Variants in HAPLN3 observed in about 807,000 individuals in gnomAD.
The protein encoded by HAPLN3 is extracellular link domain containing, 1.
HAPLN3 carries 28 observed loss-of-function variants against 28.1 expected under a neutral mutation model. The ratio of observed to expected loss-of-function variants is 1.00; its 90% CI spans 0.74 to 1.37. The LOEUF (loss-of-function observed/expected upper bound fraction) is 1.37, where lower values mean the gene tolerates loss of function less well. Among genes scored for constraint, HAPLN3 ranks in the 40% most tolerant of loss-of-function variants. The pLI is 0.00. For missense variants in HAPLN3, 513 were observed against 504.6 expected, an observed-to-expected ratio of 1.02 and a Z score of -0.16; for synonymous variants, 211 against 213.1, an observed-to-expected ratio of 0.99 and a Z score of 0.09.
In HAPLN3 at chr15:88,879,964, G is replaced by C; in HGVS notation, c.494-695C>G. 1 of 1,003,098 alleles carries C rather than the reference G, an allele frequency of 1.0e-6. No homozygotes were observed. Among genetic ancestry groups the C allele is most frequent in the Non-Finnish European group, 1.2e-6 (1 of 840,444 alleles). 62.1% of individuals were successfully genotyped at this position (1,003,098 alleles called of 1,614,324 possible). ...TACCAAGTCAATGAAACCTTAGGGA[G>C]TGGAGGTGACCCTAGGGGTCTGGGA... On this transcript the variant is annotated intron_variant, in intron 3 of 4. Transcript: ENST00000359595. This position sits in a 1 kb window ranked among gnomAD's most constrained non-coding sequence, Gnocchi z 5.0.
At position 88,880,547 on chromosome 15, in the gene HAPLN3, C is replaced by T. The variant is rs1446135517; in HGVS notation, c.493+810G>A. On this transcript the variant is annotated intron_variant, in intron 3 of 4. Transcript: ENST00000359595. The surrounding 1 kb of genome is among the most constrained non-coding windows in gnomAD (Gnocchi z 6.0). ...CGGGCTGGGGCTAAAGTCAGGTCAC[C>T]TTCCTCTATCCCCGAACTGCCTCCC... The T allele has an allele frequency of 7.8e-7, 1 of 1,288,328 alleles. No homozygotes were observed. 79.8% of individuals were successfully genotyped at this position (1,288,328 alleles called of 1,614,324 possible). A position where few individuals can be genotyped will look rare whatever the true frequency, so the allele number is the denominator to read the frequency against.
rs200158268 is a variant in HAPLN3 at position 88,881,423 on chromosome 15, G to A, written c.427C>T (p.Arg143Cys). 8.7e-5 allele frequency: 140 copies of A among 1,613,928 alleles called. No homozygotes were observed. Among genetic ancestry groups the A allele is most frequent in the Non-Finnish European group, 1.1e-4 (131 of 1,180,030 alleles). The change falls in exon 3 of 5, where the codon CGT becomes TGT. Residue 143 changes from arginine (R) to cysteine (C), a missense_variant. Coordinates refer to ENST00000359595, the MANE Select transcript of HAPLN3 (RefSeq NM_178232.4). The surrounding 1 kb of genome is among the most constrained non-coding windows in gnomAD (Gnocchi z 6.0). Reference sequence around the variant, plus strand: ...CCGTCAATGACCTCACAGCGGTAACGCCCATAGTCCTCCAGCCGCAGATCC... The same window carrying A: ...CCGTCAATGACCTCACAGCGGTAACACCCATAGTCCTCCAGCCGCAGATCC... The part of the protein sequence containing the change: ...IQDLRLEDYG[R>C]YRCEVIDGLE...
At chr15:88,884,972 C>T (rs1293080696) in intron 2 of HAPLN3, among the ~76,000 whole-genome samples, 1 of 152,228 alleles carries the variant, frequency 6.6e-6, no homozygotes, top group Admixed American at 6.5e-5. Context: ...GATTTCTGCA[C>T]AGTGAAACTA....
Position 88,879,303 on chromosome 15 carries a change from G to C in HAPLN3, c.494-34C>G, listed in dbSNP as rs756862992. ...GAAGGAAAGAGGAGCTTAGGGGGTGGCCAGGGGCCCAGCTGGCTGGACACC... is the reference window on the plus strand; with the variant it reads ...GAAGGAAAGAGGAGCTTAGGGGGTGCCCAGGGGCCCAGCTGGCTGGACACC... On this transcript the variant is annotated intron_variant, in intron 3 of 4. Coordinates refer to ENST00000359595, the MANE Select transcript of HAPLN3 (RefSeq NM_178232.4). This position sits in a 1 kb window ranked among gnomAD's most constrained non-coding sequence, Gnocchi z 5.0. The C allele has an allele frequency of 2.5e-6, 4 of 1,602,812 alleles. No individual in the cohort carries two copies. The highest frequency in any genetic ancestry group is 1.7e-6 in the Non-Finnish European group (2 of 1,177,458).
Position 88,880,286 on chromosome 15 carries a change from C to T in HAPLN3, c.494-1017G>A, listed in dbSNP as rs1897662434. On this transcript the variant is annotated intron_variant, in intron 3 of 4. Transcript: ENST00000359595. The surrounding 1 kb of genome is among the most constrained non-coding windows in gnomAD (Gnocchi z 6.0). ...CAGACCAATGACTCTTGCAGGTTCT[C>T]CCCAACTCCACTGCCACCCCAACTT... 24 of 1,062,218 alleles carry T rather than the reference C, an allele frequency of 2.3e-5. No individual in the cohort carries two copies. The South Asian group carries it at 6.3e-4, about 28-fold the overall frequency. 65.8% of individuals were successfully genotyped at this position (1,062,218 alleles called of 1,614,324 possible).
Position 88,877,491 on chromosome 15 carries a change from C to G in HAPLN3, c.*479G>C, listed in dbSNP as rs1394794410. 1.3e-5 allele frequency: 2 copies of G among 154,484 alleles called. No individual in the cohort carries two copies. The highest frequency in any genetic ancestry group is 1.3e-4 in the Admixed American group (2 of 15,668). 9.6% of individuals were successfully genotyped at this position (154,484 alleles called of 1,614,324 possible). A position where few individuals can be genotyped will look rare whatever the true frequency, so the allele number is the denominator to read the frequency against. ...GCCTAGAACTGGCTTCCAGCCCTAG[C>G]CCCTCAGTGGGCAGACTGGGGTCAG... On this transcript the variant is annotated 3_prime_UTR_variant, in exon 5 of 5. Transcript: ENST00000359595. This position sits in a 1 kb window ranked among gnomAD's most constrained non-coding sequence, Gnocchi z 5.1.
In HAPLN3 at chr15:88,881,936, T is replaced by A. The variant is rs1290859343; in HGVS notation, c.125-211A>T. ...ACAGTTATTCCCCCACCCCCTTGAA[T>A]CTGTGCTGGCCTTGCCACTTGCTTG... On this transcript the variant is annotated intron_variant, in intron 2 of 4. Coordinates refer to ENST00000359595, the MANE Select transcript of HAPLN3 (RefSeq NM_178232.4). This position sits in a 1 kb window ranked among gnomAD's most constrained non-coding sequence, Gnocchi z 6.0. Among the ~76,000 whole-genome samples, 1 of 152,140 alleles carries A rather than the reference T, an allele frequency of 6.6e-6. No individual in the cohort carries two copies. Among genetic ancestry groups the A allele is most frequent in the African/African-American group, 2.4e-5 (1 of 41,426 alleles).
At chr15:88,892,930 G>T (rs1296315307) in intron 1 of HAPLN3, 2 of 1,531,532 alleles carry the variant, frequency 1.3e-6, no homozygotes, top group Non-Finnish European at 1.7e-6. Context: ...CACCACAGAG[G>T]TGCCACCAGC....
rs200941021 is a variant in HAPLN3 at position 88,881,688 on chromosome 15, G to C, written c.162C>G (p.Pro54=). The stretch of plus-strand genomic sequence containing the variant: ...CTTGGTAGGTGAACAGGGTCTCCTC[G>C]GGTGTCTCCACCACCAGCTTCACTC... ...LNGVKLVVET[P]EETLFTYQGA... is the part of the protein sequence containing the mutation. Residue 54 remains proline, a synonymous_variant, in exon 3 of 5, where the codon CCC becomes CCG. Coordinates refer to ENST00000359595, the MANE Select transcript of HAPLN3 (RefSeq NM_178232.4). This position sits in a 1 kb window ranked among gnomAD's most constrained non-coding sequence, Gnocchi z 6.0. The C allele has an allele frequency of 1.2e-6, 2 of 1,613,420 alleles. No individual in the cohort carries two copies. The highest frequency in any genetic ancestry group is 1.7e-6 in the Non-Finnish European group (2 of 1,179,832).
At chr15:88,894,712 A>C (rs1204641604) in intron 1 of HAPLN3, among the ~76,000 whole-genome samples, 1 of 152,206 alleles carries the variant, frequency 6.6e-6, no homozygotes, top group Non-Finnish European at 1.5e-5. Context: ...CAACAGGTTT[A>C]CAGGCTGCCT....
Position 88,881,237 on chromosome 15 carries a change from G to A in HAPLN3, c.493+120C>T, listed in dbSNP as rs1897686737. The stretch of plus-strand genomic sequence containing the variant: ...GGGTCACAACAGTAGCTTCCATGTG[G>A]GTTGTTTTGAGAATTAAGTACTTTT... On this transcript the variant is annotated intron_variant, in intron 3 of 4. Coordinates refer to ENST00000359595, the MANE Select transcript of HAPLN3 (RefSeq NM_178232.4). The surrounding 1 kb of genome is among the most constrained non-coding windows in gnomAD (Gnocchi z 6.0). 1 of 1,302,406 alleles carries A rather than the reference G, an allele frequency of 7.7e-7. No individual in the cohort carries two copies. The highest frequency in any genetic ancestry group is 2.3e-5 in the Admixed American group (1 of 43,310). The allele number at this position is 1,302,406 out of a possible 1,614,324, so 80.7% of individuals were successfully genotyped here.
At chr15:88,887,753 T>C (rs59393635) in intron 1 of HAPLN3, among the ~76,000 whole-genome samples, 13,911 of 152,020 alleles carry the variant, frequency 0.092, 2,112 homozygotes, top group African/African-American at 0.31. Flanking sequence ...CACCTGAGGT[T>C]GGGAGTTTGA....
At position 88,881,049 on chromosome 15, in the gene HAPLN3, T is replaced by G; in HGVS notation, c.493+308A>C. On this transcript the variant is annotated intron_variant, in intron 3 of 4. Transcript: ENST00000359595. This position sits in a 1 kb window ranked among gnomAD's most constrained non-coding sequence, Gnocchi z 6.0. ...AATAAGCTGTGGGACCAGCTCTGGTTTTCCTCTCTCTGAATGAGATGTGAA... is the reference window on the plus strand; with the variant it reads ...AATAAGCTGTGGGACCAGCTCTGGTGTTCCTCTCTCTGAATGAGATGTGAA... 2.4e-6 allele frequency: 1 copy of G among 408,380 alleles called. No homozygotes were observed. Among genetic ancestry groups the G allele is most frequent in the Non-Finnish European group, 4.4e-6 (1 of 225,928 alleles). 25.3% of individuals were successfully genotyped at this position (408,380 alleles called of 1,614,324 possible).
In HAPLN3 at chr15:88,879,542, G is replaced by T; in HGVS notation, c.494-273C>A. ...CCCAACAATGTCCCCAACCTAATCC[G>T]CAAGGCTGTCGCCAGACCCCCAGTG... On this transcript the variant is annotated intron_variant, in intron 3 of 4. Coordinates refer to ENST00000359595, the MANE Select transcript of HAPLN3 (RefSeq NM_178232.4). The surrounding 1 kb of genome is among the most constrained non-coding windows in gnomAD (Gnocchi z 5.0). 1.4e-6 allele frequency: 2 copies of T among 1,445,068 alleles called. No individual in the cohort carries two copies. Among genetic ancestry groups the T allele is most frequent in the Non-Finnish European group, 1.8e-6 (2 of 1,088,490 alleles). The allele number at this position is 1,445,068 out of a possible 1,614,324, so 89.5% of individuals were successfully genotyped here.
chr15:88,881,041 G>C lies in HAPLN3; in HGVS notation c.493+316C>G. The C allele has an allele frequency of 2.5e-6, 1 of 392,304 alleles. No homozygotes were observed. Among genetic ancestry groups the C allele is most frequent in the Non-Finnish European group, 4.6e-6 (1 of 215,764 alleles). 24.3% of individuals were successfully genotyped at this position (392,304 alleles called of 1,614,324 possible). ...CTGTCTCTAATAAGCTGTGGGACCA[G>C]CTCTGGTTTTCCTCTCTCTGAATGA... On this transcript the variant is annotated intron_variant, in intron 3 of 4. Transcript: ENST00000359595. The surrounding 1 kb of genome is among the most constrained non-coding windows in gnomAD (Gnocchi z 6.0).
rs1377559978 is a variant in HAPLN3, at chr15:88,880,583, G to C, written c.493+774C>G. ...CCCGAACTGCCTCCCTAACATGTGG[G>C]AGAGATGTGAGGACACACAGCCCCA... On this transcript the variant is annotated intron_variant, in intron 3 of 4. Coordinates refer to ENST00000359595, the MANE Select transcript of HAPLN3 (RefSeq NM_178232.4). This position sits in a 1 kb window ranked among gnomAD's most constrained non-coding sequence, Gnocchi z 6.0. 7.8e-7 allele frequency: 1 copy of C among 1,288,894 alleles called. No homozygotes were observed. The highest frequency in any genetic ancestry group is 2.3e-5 in the Admixed American group (1 of 43,542). 79.8% of individuals were successfully genotyped at this position (1,288,894 alleles called of 1,614,324 possible).
At chr15:88,890,787 G>A (rs1897991720) in intron 1 of HAPLN3, among the ~76,000 whole-genome samples, 1 of 152,178 alleles carries the variant, frequency 6.6e-6, no homozygotes, top group Non-Finnish European at 1.5e-5. Flanking sequence ...CAGATTGAAT[G>A]GCAGAGCTGC....
chr15:88,878,131 G>A lies in HAPLN3; in HGVS notation c.922C>T (p.Leu308=). ...QLFAAWKFHG[L]DRCDAGWLAD... is the part of the protein sequence containing the mutation. ...AGCCAGCCAGCGTCGCAGCGGTCCA[G>A]GCCATGGAACTTCCAGGCGGCAAAG... Residue 308 remains leucine (L), a synonymous_variant, in exon 5 of 5, where the codon CTG becomes TTG. Transcript: ENST00000359595. 1.2e-6 allele frequency: 2 copies of A among 1,614,172 alleles called. No individual in the cohort carries two copies. Among genetic ancestry groups the A allele is most frequent in the East Asian group, 2.2e-5 (1 of 44,870 alleles).
intron 1 of HAPLN3, among the ~76,000 whole-genome samples, chr15:88,890,712 T>A (rs185821996): frequency 1.1e-4 from 17 of 152,288 alleles, no homozygotes; most frequent in Non-Finnish European, 1.9e-4. Context: ...TGCCTTTCCC[T>A]GGTATTCCTT....
Sources: allele counts gnomAD v4.1 joint callset (sites outside exome capture counted in the v4.1 genomes callset), GRCh38; gene constraint gnomAD v4.1.1; non-coding constraint Gnocchi (gnomAD v3.1); transcripts MANE v1.5; gene names NCBI Gene and HGNC (gene_info 2026-07-23, HGNC 2026-07-21).